CA10: variants seen among roughly 807,000 people sequenced by gnomAD.
CA10 encodes carbonic anhydrase 10 (inactive).
A neutral mutation model predicts 44.2 loss-of-function variants in CA10; 14 were observed. That is an observed-to-expected ratio of 0.32 (90% CI 0.21 to 0.50). The LOEUF is 0.50. CA10 is among the 20% of genes least tolerant of loss of function. The probability of loss-of-function intolerance (pLI) is 0.99; values close to 1 mark genes in which losing one functional copy is unlikely to be tolerated. For synonymous variants in CA10, 159 were observed against 141.6 expected (o/e 1.12, Z -0.87); for missense variants, 350 against 409.7 (o/e 0.85, Z 1.26).
intron 3 of CA10, among the ~76,000 whole-genome samples, chr17:51,862,349 T>A (rs574072986): frequency 1.3e-5 from 2 of 152,208 alleles, no homozygotes; most frequent in South Asian, 4.2e-4. Context: ...AACAAGAATA[T>A]GTTACAACAG....
chr17:51,644,495 GA>G (rs991187896), intron 6 of CA10, among the ~76,000 whole-genome samples: 4 of 152,090 alleles, frequency 2.6e-5, no homozygotes, highest in Admixed American at 2.6e-4. Flanking sequence ...ACGCCATCTG[GA>G]TGCCAACGTC....
intron 2 of CA10, among the ~76,000 whole-genome samples, chr17:51,971,989 G>C (rs1478929011): frequency 6.6e-6 from 1 of 151,944 alleles, no homozygotes; most frequent in Non-Finnish European, 1.5e-5. Flanking sequence ...GATCACACTA[G>C]AGTGGGATTA....
chr17:51,776,377 G>T (rs1176153851), intron 3 of CA10, among the ~76,000 whole-genome samples: 1 of 151,700 alleles, frequency 6.6e-6, no homozygotes, highest in East Asian at 1.9e-4. Context: ...TCTAAGAAAA[G>T]ATAAATAAAT....
chr17:51,677,900 G>A lies in CA10; in HGVS notation c.466-24164C>T, dbSNP rs115858507. Among the ~76,000 whole-genome samples, 685 of 133,446 alleles carry A rather than the reference G, an allele frequency of 5.1e-3. 7 individuals carry two copies. Among genetic ancestry groups the A allele is most frequent in the African/African-American group, 0.017 (628 of 37,042 alleles). The allele number at this position is 133,446 out of a possible 152,430, so 87.5% of individuals were successfully genotyped here. ...CTAGGTATACACCCCCCCCCCCACC[G>A]GCTGCCAATTGAAAATAGGTACCCA... On this transcript the variant is annotated intron_variant, in intron 4 of 8. Transcript: ENST00000451037.
At chr17:52,051,235 A>G (rs921537250) in intron 2 of CA10, among the ~76,000 whole-genome samples, 2 of 152,030 alleles carry the variant, frequency 1.3e-5, no homozygotes, top group African/African-American at 2.4e-5. Context: ...CAGGACAGAC[A>G]TGGGCAAAGA....
intron 3 of CA10, among the ~76,000 whole-genome samples, chr17:51,904,411 T>C (rs915279654): frequency 3.9e-5 from 6 of 152,002 alleles, no homozygotes; most frequent in Admixed American, 1.3e-4. Context: ...GCTCCTTGCC[T>C]CTTAATGGTC....
At chr17:51,939,470 T>C (rs769523065) in intron 2 of CA10, among the ~76,000 whole-genome samples, 1 of 152,142 alleles carries the variant, frequency 6.6e-6, no homozygotes, top group Non-Finnish European at 1.5e-5. Context: ...TTTATTTTAA[T>C]AGATGCTGTC....
At chr17:51,746,000 A>C (rs140744719) in intron 4 of CA10, among the ~76,000 whole-genome samples, 1 of 152,120 alleles carries the variant, frequency 6.6e-6, no homozygotes, top group South Asian at 2.1e-4. Context: ...CTTTCATTAC[A>C]TTTCTTGTTG....
intron 4 of CA10, among the ~76,000 whole-genome samples, chr17:51,728,247 G>T (rs1916595279): frequency 6.6e-6 from 1 of 151,982 alleles, no homozygotes; most frequent in African/African-American, 2.4e-5. Flanking sequence ...AGATAGTACA[G>T]GAAGTTTGCA....
chr17:51,777,528 C>A (rs1426846320), intron 3 of CA10, among the ~76,000 whole-genome samples: 5 of 152,112 alleles, frequency 3.3e-5, no homozygotes, highest in South Asian at 2.1e-4. Flanking sequence ...TGGAACCAAT[C>A]CCCTGTGTAT....
intron 3 of CA10, among the ~76,000 whole-genome samples, chr17:51,840,635 A>T (rs1978312161): frequency 6.6e-6 from 1 of 152,114 alleles, no homozygotes; most frequent in Non-Finnish European, 1.5e-5. Context: ...TAGCTTGAGG[A>T]TGGGAAGGAT....
At chr17:51,765,097 G>T (rs971732129) in intron 3 of CA10, among the ~76,000 whole-genome samples, 1 of 152,072 alleles carries the variant, frequency 6.6e-6, no homozygotes, top group Non-Finnish European at 1.5e-5. Flanking sequence ...GAATAAGACT[G>T]TTCACCCATC....
chr17:51,897,996 T>G (rs1981145831), intron 3 of CA10, among the ~76,000 whole-genome samples: 1 of 152,160 alleles, frequency 6.6e-6, no homozygotes, highest in South Asian at 2.1e-4. Flanking sequence ...AGGTATAGAA[T>G]CATATTGTCT....
chr17:52,030,217 G>T (rs1350525279), intron 2 of CA10, among the ~76,000 whole-genome samples: 1 of 152,146 alleles, frequency 6.6e-6, no homozygotes, highest in Non-Finnish European at 1.5e-5. Context: ...GAATGGTTCT[G>T]GCCTTTAAAA....
chr17:51,707,587 G>T (rs1226931299), intron 4 of CA10, among the ~76,000 whole-genome samples: 1 of 151,792 alleles, frequency 6.6e-6, no homozygotes, highest in Non-Finnish European at 1.5e-5. Context: ...GGGGAGGAAA[G>T]AAGATAAATT....
chr17:52,083,117 T>G (rs904602518), intron 1 of CA10, among the ~76,000 whole-genome samples: 1 of 152,200 alleles, frequency 6.6e-6, no homozygotes, highest in Admixed American at 6.5e-5. Context: ...AAACTACAAT[T>G]GGAAATAAAC....
chr17:51,876,925 A>G (rs1980107502), intron 3 of CA10, among the ~76,000 whole-genome samples: 1 of 152,222 alleles, frequency 6.6e-6, no homozygotes, highest in Non-Finnish European at 1.5e-5. Context: ...TTCTGTAATT[A>G]GGGAGTCCCT....
chr17:52,142,048 G>A (rs1480258911), intron 1 of CA10, among the ~76,000 whole-genome samples: 1 of 152,194 alleles, frequency 6.6e-6, no homozygotes, highest in Non-Finnish European at 1.5e-5. Context: ...GCCTCTGGTT[G>A]AACATGTGAG....
intron 2 of CA10, among the ~76,000 whole-genome samples, chr17:51,975,138 C>A (rs1984418115): frequency 1.3e-5 from 2 of 151,102 alleles, no homozygotes; most frequent in South Asian, 2.1e-4. Flanking sequence ...GCAAAAATGT[C>A]AATAAAGGAG....
Sources: allele counts gnomAD v4.1 joint callset (sites outside exome capture counted in the v4.1 genomes callset), GRCh38; gene constraint gnomAD v4.1.1; transcripts MANE v1.5; gene names NCBI Gene and HGNC (gene_info 2026-07-23, HGNC 2026-07-21).